The following RAB11FIP4 variants were observed in gnomAD, a reference collection of about 807,000 sequenced individuals.
RAB11FIP4 encodes RAB11 family interacting protein 4.
RAB11FIP4 carries 23 observed loss-of-function variants against 74.3 expected under a neutral mutation model. The observed-to-expected ratio is 0.31, with a 90% CI of 0.22 to 0.44. The LOEUF (loss-of-function observed/expected upper bound fraction) is 0.44. RAB11FIP4 is among the 20% of genes least tolerant of loss of function. The pLI is 1.00. For synonymous variants in RAB11FIP4, 360 were observed against 359.9 expected (o/e 1.00, Z 0.00); for missense variants, 630 against 863.9 (o/e 0.73, Z 3.39).
In RAB11FIP4 at chr17:31,512,233, C is replaced by T. The variant is rs561420687; in HGVS notation, c.337-5418C>T. Reference sequence around the variant, plus strand: ...CCAGGTCAGAATTTACGGCTCCTACCGTGACCGACTCTCCGGTGTAAATTG... The same window carrying T: ...CCAGGTCAGAATTTACGGCTCCTACTGTGACCGACTCTCCGGTGTAAATTG... On this transcript the variant is annotated intron_variant, in intron 3 of 14. Coordinates refer to ENST00000621161, the MANE Select transcript of RAB11FIP4 (RefSeq NM_032932.6). The surrounding 1 kb of genome is among the most constrained non-coding windows in gnomAD (Gnocchi z 4.1). Among the ~76,000 whole-genome samples the T allele has an allele frequency of 8.5e-5, 13 of 152,298 alleles. No individual in the cohort carries two copies. In the East Asian group the frequency reaches 9.7e-4, roughly 11 times the overall value.
intron 3 of RAB11FIP4, among the ~76,000 whole-genome samples, chr17:31,511,943 C>A (rs1216415467): frequency 1.3e-5 from 2 of 152,208 alleles, no homozygotes; most frequent in Admixed American, 1.3e-4. Context: ...TTCCCACTCC[C>A]TGCTGGGGAC....
intron 3 of RAB11FIP4, among the ~76,000 whole-genome samples, chr17:31,476,171 A>ATTTTT (rs2071790111): frequency 5.0e-5 from 5 of 99,918 alleles, no homozygotes; most frequent in Admixed American, 1.1e-4. Flanking sequence ...AATCGACTGA[A>ATTTTT]CTTTTTTTTT....
In RAB11FIP4 at chr17:31,528,770, C is replaced by T; in HGVS notation, c.1645C>T (p.Leu549Phe). Reference protein sequence around the residue: ...EVELEHEVKRLKQENYKLRDQ... With the variant: ...EVELEHEVKRFKQENYKLRDQ... ...GGAGCTCGAGCACGAGGTCAAGCGG[C>T]TCAAGCAGGTGGGTCTAGCAGTCTC... Residue 549 changes from leucine (L) to phenylalanine (F), a missense_variant, in exon 13 of 15, where the codon CTC (leucine) becomes TTC (phenylalanine). Transcript: ENST00000621161. 1 of 1,608,848 alleles carries T rather than the reference C, an allele frequency of 6.2e-7. No individual in the cohort carries two copies. Among genetic ancestry groups the T allele is most frequent in the Non-Finnish European group, 8.5e-7 (1 of 1,178,546 alleles).
chr17:31,502,317 A>G (rs1230531577), intron 3 of RAB11FIP4, among the ~76,000 whole-genome samples: 1 of 152,090 alleles, frequency 6.6e-6, no homozygotes, highest in Non-Finnish European at 1.5e-5. Context: ...GGTGGCTCAC[A>G]CCTGTAATCC....
At chr17:31,462,117 G>A (rs761552968) in intron 3 of RAB11FIP4, among the ~76,000 whole-genome samples, 2 of 152,042 alleles carry the variant, frequency 1.3e-5, no homozygotes, top group Non-Finnish European at 2.9e-5. Context: ...ACAAAAATTA[G>A]CTGGATGTGG....
At chr17:31,523,673 G>A (rs2074146) in intron 8 of RAB11FIP4, 62 bp downstream of exon 8, 207,469 of 1,479,484 alleles carry the variant, frequency 0.14, 15,356 homozygotes, top group East Asian at 0.24. Flanking sequence ...GAGATGGGGT[G>A]CACTCAGGCT....
chr17:31,430,369 T>A (rs947551355), intron 1 of RAB11FIP4, among the ~76,000 whole-genome samples: 1 of 143,796 alleles, frequency 7.0e-6, no homozygotes, highest in Non-Finnish European at 1.6e-5. Flanking sequence ...TTTTTTTTTT[T>A]TTTTTTGAGA....
At chr17:31,407,778 T>G (rs1401790271) in intron 1 of RAB11FIP4, among the ~76,000 whole-genome samples, 1 of 152,188 alleles carries the variant, frequency 6.6e-6, no homozygotes, top group African/African-American at 2.4e-5. Flanking sequence ...GTTCAATCAC[T>G]TGATTAAGGT....
intron 3 of RAB11FIP4, among the ~76,000 whole-genome samples, chr17:31,466,638 C>A (rs1190557235): frequency 6.6e-6 from 1 of 152,144 alleles, no homozygotes; most frequent in Non-Finnish European, 1.5e-5. Context: ...CAGTGCCAAC[C>A]GTGGCTCCGC....
At chr17:31,460,572 C>A (rs1366088044) in intron 3 of RAB11FIP4, among the ~76,000 whole-genome samples, 1 of 152,154 alleles carries the variant, frequency 6.6e-6, no homozygotes, top group East Asian at 1.9e-4. Flanking sequence ...ATGTTGGTGG[C>A]TATAAATATT....
intron 3 of RAB11FIP4, among the ~76,000 whole-genome samples, chr17:31,461,137 G>A (rs1170625108): frequency 2.1e-5 from 3 of 144,814 alleles, no homozygotes; most frequent in East Asian, 4.1e-4. Context: ...CCCACCCTTA[G>A]CTTCCTCACC....
intron 3 of RAB11FIP4, among the ~76,000 whole-genome samples, chr17:31,465,301 C>T (rs952294063): frequency 1.3e-5 from 2 of 151,960 alleles, no homozygotes; most frequent in South Asian, 4.1e-4. Flanking sequence ...ATGCAGATTC[C>T]TAGGCCCCAT....
In RAB11FIP4 at chr17:31,517,708, G is replaced by A. The variant is rs1207037977; in HGVS notation, c.394G>A (p.Gly132Ser). The change falls in exon 4 of 15, where the codon GGC (glycine) becomes AGC (serine). Residue 132 changes from glycine to serine, a missense_variant. By Grantham distance (56) the Gly-to-Ser change is moderately conservative. Transcript: ENST00000621161. ...TGGCGAGCTCATCCCCAGGGAACCC[G>A]GCTTTTTTCCCGAGGACGAGGAGGA... is the stretch of plus-strand genomic sequence containing the variant. ...ADGELIPREPGFFPEDEEEAM... is the reference protein window; with the variant it reads ...ADGELIPREPSFFPEDEEEAM... The A allele has an allele frequency of 4.4e-6, 7 of 1,606,636 alleles. No individual in the cohort carries two copies. In the South Asian group the frequency reaches 7.9e-5, roughly 18 times the overall value.
chr17:31,422,068 G>T (rs958184972), intron 1 of RAB11FIP4, among the ~76,000 whole-genome samples: 1 of 152,008 alleles, frequency 6.6e-6, no homozygotes, highest in African/African-American at 2.4e-5. Context: ...CCAGCTACTC[G>T]GGAGGCTGAG....
intron 3 of RAB11FIP4, among the ~76,000 whole-genome samples, chr17:31,502,190 C>T (rs1427606041): frequency 6.6e-6 from 1 of 150,382 alleles, no homozygotes. Flanking sequence ...TGCCATCGCA[C>T]TCTGGCCTGG....
At chr17:31,432,048 C>A in intron 2 of RAB11FIP4, 148 bp downstream of exon 2, 1 of 624,628 alleles carries the variant, frequency 1.6e-6, no homozygotes, top group Non-Finnish European at 2.8e-6. Flanking sequence ...CTCTGGCTTC[C>A]GGGGGGGCCA....
intron 2 of RAB11FIP4, among the ~76,000 whole-genome samples, chr17:31,433,807 TTA>T (rs1172537357): frequency 2.0e-5 from 3 of 152,150 alleles, no homozygotes; most frequent in African/African-American, 7.2e-5. Flanking sequence ...TGTGTGGGAA[TTA>T]GTCCCAGAGG....
chr17:31,488,494 AG>A (rs2071944800), intron 3 of RAB11FIP4: 1 of 379,934 alleles, frequency 2.6e-6, no homozygotes, highest in Non-Finnish European at 3.8e-6. Context: ...TGGACTAGGA[AG>A]GGGGCTCGTC....
At position 31,527,581 on chromosome 17, in the gene RAB11FIP4, A is replaced by G. The variant is rs560610894; in HGVS notation, c.1275-261A>G. On this transcript the variant is annotated intron_variant, in intron 10 of 14. Coordinates refer to ENST00000621161, the MANE Select transcript of RAB11FIP4 (RefSeq NM_032932.6). ...CTCACTCCAGCCTGGGCAACAGAGC[A>G]GGACTCTGTCTCAAAAAAAAAAGAA... 13 of 436,006 alleles carry G rather than the reference A, an allele frequency of 3.0e-5. No homozygotes were observed. The Admixed American group carries it at 4.4e-4, about 15-fold the overall frequency. The allele number at this position is 436,006 out of a possible 1,614,324, so 27.0% of individuals were successfully genotyped here. A position where few individuals can be genotyped will look rare whatever the true frequency, so the allele number is the denominator to read the frequency against.
Sources: gnomAD v4.1 joint callset for allele counts (sites outside exome capture counted in the v4.1 genomes callset) on GRCh38, gnomAD v4.1.1 for gene constraint, Gnocchi (gnomAD v3.1) non-coding constraint, MANE v1.5 for transcripts, NCBI Gene and HGNC (gene_info 2026-07-23, HGNC 2026-07-21) for gene names.